DHPS: variants seen among roughly 807,000 people sequenced by gnomAD.
DHPS encodes the protein migration-inducing gene 13.
A neutral mutation model predicts 38.7 loss-of-function variants in DHPS; 24 were observed. The ratio of observed to expected loss-of-function variants is 0.62; its 90% CI spans 0.45 to 0.87. DHPS has a LOEUF of 0.87. DHPS is among the 40% of genes least tolerant of loss of function. The pLI, the probability that DHPS is intolerant of heterozygous loss-of-function variation, is 0.00. For missense variants in DHPS, 510 were observed against 497.6 expected (o/e 1.02, Z -0.24); for synonymous variants, 250 against 204.4 (o/e 1.22, Z -1.90).
At chr19:12,676,591 C>A in intron 7 of DHPS, 1 of 220,576 alleles carries the variant, frequency 4.5e-6, no homozygotes, top group East Asian at 1.1e-4. Context: ...AGCCCCGCCT[C>A]AGCCCACAGG....
At chr19:12,678,719 A>C (rs1258505999) in intron 5 of DHPS, among the ~76,000 whole-genome samples, 2 of 144,964 alleles carry the variant, frequency 1.4e-5, no homozygotes, top group East Asian at 4.1e-4. Flanking sequence ...CAGTGAGCTG[A>C]AATCACACCA....
downstream of DHPS, chr19:12,673,239 T>C (rs1438282979): frequency 6.2e-7 from 1 of 1,614,028 alleles, no homozygotes; most frequent in South Asian, 1.1e-5. Flanking sequence ...CAAGCTGGAC[T>C]GCTGCCTGAG....
chr19:12,673,410 C>CTT (rs58676851), downstream of DHPS: 1,312 of 247,292 alleles, frequency 5.3e-3, 1 homozygote, highest in South Asian at 6.6e-3. Context: ...AGGCTAGGAT[C>CTT]TTTTTTTTTT....
chr19:12,681,857 G>A lies in DHPS; in HGVS notation c.-91C>T. 8.6e-7 allele frequency: 1 copy of A among 1,159,998 alleles called. No homozygotes were observed. The highest frequency in any genetic ancestry group is 1.2e-6 in the Non-Finnish European group (1 of 810,138). The allele number at this position is 1,159,998 out of a possible 1,614,324, so 71.9% of individuals were successfully genotyped here. ...GTTAAACCCCGACGCGCGCGTCTCC[G>A]CAAGAGCACAGGAAGTAGGGAACGT... is the stretch of plus-strand genomic sequence containing the variant. On this transcript the variant is annotated 5_prime_UTR_variant, in exon 1 of 9. Coordinates refer to ENST00000210060, the MANE Select transcript of DHPS (RefSeq NM_001930.4).
At position 12,675,767 on chromosome 19, in the gene DHPS, G is replaced by A; in HGVS notation, c.*71C>T. 1 of 1,566,988 alleles carries A rather than the reference G, an allele frequency of 6.4e-7. No individual in the cohort carries two copies. The highest frequency in any genetic ancestry group is 8.7e-7 in the Non-Finnish European group (1 of 1,154,846). The stretch of plus-strand genomic sequence containing the variant: ...TTCTAGAGACGTAGCTGACCAAAAA[G>A]TAGGGGAGGGGCTGGGTCTGCAAAT... On this transcript the variant is annotated 3_prime_UTR_variant, in exon 9 of 9. Coordinates refer to ENST00000210060, the MANE Select transcript of DHPS (RefSeq NM_001930.4).
downstream of DHPS, chr19:12,673,062 G>A (rs1206095716): frequency 1.9e-6 from 3 of 1,613,716 alleles, no homozygotes; most frequent in Non-Finnish European, 2.5e-6. Context: ...CTGGTGTCCA[G>A]CCTGGACTCC....
rs779923131 is a variant in DHPS at position 12,679,698 on chromosome 19, G to T, written c.516C>A (p.Pro172=). Residue 172 remains proline, a synonymous_variant, in exon 4 of 9, where the codon CCC becomes CCA. Coordinates refer to ENST00000210060, the MANE Select transcript of DHPS (RefSeq NM_001930.4). ...CCTCAAACTTGCAGTAATTCTCATT[G>T]GGCACCAGCAGGTTTCCGATCCTGA... ...GINRIGNLLV[P]NENYCKFEDW... is the part of the protein sequence containing the mutation. The T allele has an allele frequency of 5.6e-6, 9 of 1,614,144 alleles. No homozygotes were observed. The highest frequency in any genetic ancestry group is 3.3e-5 in the South Asian group (3 of 91,072).
intron 5 of DHPS, 54 bp downstream of exon 5, chr19:12,679,403 A>ATTT: frequency 6.5e-7 from 1 of 1,529,276 alleles, no homozygotes. Flanking sequence ...GGAAAGATGA[A>ATTT]ATAAGTTAAC....
chr19:12,672,703 C>G, downstream of DHPS: 1 of 814,800 alleles, frequency 1.2e-6, no homozygotes, highest in Non-Finnish European at 2.0e-6. Context: ...GTAATTGGCC[C>G]TGGGCCTGAG....
chr19:12,672,990 A>G (rs1196045954), downstream of DHPS: 2 of 1,608,878 alleles, frequency 1.2e-6, no homozygotes, highest in South Asian at 2.2e-5. Flanking sequence ...TCACTCACCT[A>G]CCCACCCTTC....
chr19:12,681,376 A>T (rs1235385011), intron 1 of DHPS, 184 bp downstream of exon 1: 1 of 979,998 alleles, frequency 1.0e-6, no homozygotes, highest in East Asian at 2.6e-5. Context: ...TAACTACCAG[A>T]GTGCAAAATC....
downstream of DHPS, among the ~76,000 whole-genome samples, chr19:12,675,280 A>G (rs2024540167): frequency 1.3e-5 from 2 of 152,184 alleles, no homozygotes; most frequent in South Asian, 4.1e-4. Flanking sequence ...AAAAAATAAA[A>G]AATCAATAAG....
At chr19:12,673,239 T>G, downstream of DHPS, 1 of 1,614,028 alleles carries the variant, frequency 6.2e-7, no homozygotes, top group Non-Finnish European at 8.5e-7. Context: ...CAAGCTGGAC[T>G]GCTGCCTGAG....
chr19:12,672,974 C>G (rs553179873), downstream of DHPS: 1 of 1,600,536 alleles, frequency 6.2e-7, no homozygotes, highest in Admixed American at 1.7e-5. Context: ...CAGGGGCACC[C>G]CACCCTCACT....
intron 5 of DHPS, among the ~76,000 whole-genome samples, chr19:12,677,944 TAA>T (rs2024673199): frequency 6.7e-6 from 1 of 150,300 alleles, no homozygotes; most frequent in Admixed American, 6.6e-5. Context: ...CCCGGCCGTC[TAA>T]TTCTTTTTTA....
At position 12,677,389 on chromosome 19, in the gene DHPS, A is replaced by G; in HGVS notation, c.686T>C (p.Ile229Thr). 1.2e-6 allele frequency: 2 copies of G among 1,613,728 alleles called. No individual in the cohort carries two copies. The highest frequency in any genetic ancestry group is 1.1e-5 in the South Asian group (1 of 91,010). The change falls in exon 6 of 9, where the codon ATC (isoleucine) becomes ACC (threonine). Residue 229 changes from isoleucine to threonine, a missense_variant. Transcript: ENST00000210060. The stretch of plus-strand genomic sequence containing the variant: ...TGTAAGTGCGGGACTAAACACAGGG[A>G]TGTGGTTCTGCAGAGAACATGACAG... ...SVYYWAQKNH[I>T]PVFSPALTDG...
At chr19:12,675,973 C>A (rs374146200) in intron 8 of DHPS, 40 bp from the exon 9 acceptor site, 6 of 1,606,302 alleles carry the variant, frequency 3.7e-6, no homozygotes, top group Non-Finnish European at 5.1e-6. Flanking sequence ...GGGACCCACA[C>A]TCATCGTCCC....
chr19:12,676,466 T>C, intron 7 of DHPS: 1 of 302,924 alleles, frequency 3.3e-6, no homozygotes, highest in Non-Finnish European at 6.3e-6. Context: ...TGGTCACCAC[T>C]GTCCTGGACT....
intron 1 of DHPS, among the ~76,000 whole-genome samples, chr19:12,680,819 C>T (rs534494923): frequency 2.9e-4 from 44 of 149,554 alleles, no homozygotes; most frequent in Non-Finnish European, 5.6e-4. Context: ...CAGGCATGAG[C>T]CACCGTGCCC....
Sources: gnomAD v4.1 joint callset for allele counts (sites outside exome capture counted in the v4.1 genomes callset) on GRCh38, gnomAD v4.1.1 for gene constraint, MANE v1.5 for transcripts, NCBI Gene and HGNC (gene_info 2026-07-23, HGNC 2026-07-21) for gene names.